FBXL17: variants seen among roughly 807,000 people sequenced by gnomAD.
FBXL17 encodes the protein F-box and leucine rich repeat protein 17.
In FBXL17, 22 loss-of-function variants were observed where a neutral mutation model predicts 66.2. The ratio of observed to expected loss-of-function variants is 0.33; its 90% CI spans 0.24 to 0.47. The LOEUF is 0.47. Among genes scored for constraint, FBXL17 ranks in the 20% least tolerant of loss-of-function variants. FBXL17 has a pLI of 1.00. For missense variants in FBXL17, 878 were observed against 948.2 expected (o/e 0.93, Z 0.97); for synonymous variants, 474 against 400.5 (o/e 1.18, Z -2.19).
chr5:108,085,478 C>G (rs796090607), intron 6 of FBXL17, among the ~76,000 whole-genome samples: 1 of 152,148 alleles, frequency 6.6e-6, no homozygotes, highest in African/African-American at 2.4e-5. Context: ...GATGGCTGAG[C>G]GTAGGCTAAG....
intron 6 of FBXL17, among the ~76,000 whole-genome samples, chr5:108,096,748 G>A (rs1254622854): frequency 6.6e-6 from 1 of 152,188 alleles, no homozygotes; most frequent in African/African-American, 2.4e-5. Flanking sequence ...AAGAAACAAG[G>A]AGCTGTCTGA....
chr5:108,170,669 G>A (rs1752574262), intron 6 of FBXL17, among the ~76,000 whole-genome samples: 2 of 152,086 alleles, frequency 1.3e-5, no homozygotes, highest in Non-Finnish European at 2.9e-5. Flanking sequence ...AAGTAGCTGG[G>A]ACTATAAGTG....
chr5:108,298,317 G>A (rs1445970084), intron 4 of FBXL17: 1 of 984,198 alleles, frequency 1.0e-6, no homozygotes, highest in African/African-American at 1.7e-5. Context: ...AAATAAAACA[G>A]AAAGCACTGA....
At chr5:107,950,248 G>C (rs2112606231) in intron 7 of FBXL17, among the ~76,000 whole-genome samples, 1 of 151,842 alleles carries the variant, frequency 6.6e-6, no homozygotes, top group East Asian at 1.9e-4. Flanking sequence ...CAAATTTCCG[G>C]GATCACTTTA....
chr5:107,906,585 G>C (rs1042740251), intron 7 of FBXL17, among the ~76,000 whole-genome samples: 1 of 152,126 alleles, frequency 6.6e-6, no homozygotes, highest in Non-Finnish European at 1.5e-5. Flanking sequence ...ATAAGAAGTA[G>C]GGACAGGACT....
At chr5:108,126,651 CTATATATATATACA>C (rs1385426499) in intron 6 of FBXL17, among the ~76,000 whole-genome samples, 3 of 108,040 alleles carry the variant, frequency 2.8e-5, no homozygotes, top group Admixed American at 9.5e-5. Context: ...CTCTCTCTCT[CTATATATATATACA>C]TATATATATA....
intron 6 of FBXL17, among the ~76,000 whole-genome samples, chr5:108,061,830 G>C (rs1440285462): frequency 6.6e-6 from 1 of 151,548 alleles, no homozygotes; most frequent in African/African-American, 2.4e-5. Flanking sequence ...TTACAGGTTT[G>C]GGTTTCTTTT....
chr5:108,380,739 G>A lies in FBXL17; in HGVS notation c.953C>T (p.Thr318Ile). 2 of 1,250,254 alleles carry A rather than the reference G, an allele frequency of 1.6e-6. No homozygotes were observed. The highest frequency in any genetic ancestry group is 1.0e-6 in the Non-Finnish European group (1 of 989,746). 77.4% of individuals were successfully genotyped at this position (1,250,254 alleles called of 1,614,324 possible). The part of the protein sequence containing the change: ...CDCHREPPPE[T>I]PDINQLPPSI... The stretch of plus-strand genomic sequence containing the variant: ...CGGCGGCAGCTGGTTGATGTCTGGG[G>A]TTTCGGGGGGCGGCTCCCTGTGACA... The change falls in exon 1 of 9, where the codon ACC (threonine) becomes ATC (isoleucine). Residue 318 changes from threonine (T) to isoleucine (I), a missense_variant. Physicochemically the swap from Thr to Ile is moderately conservative, Grantham distance 89 (BLOSUM62 -1). Coordinates refer to ENST00000542267, the MANE Select transcript of FBXL17 (RefSeq NM_001163315.3).
At chr5:108,373,291 AAATAT>A (rs1470736809) in intron 1 of FBXL17, among the ~76,000 whole-genome samples, 4 of 136,476 alleles carry the variant, frequency 2.9e-5, no homozygotes, top group African/African-American at 1.0e-4. Flanking sequence ...ATATTAATAT[AAATAT>A]AATATATATC....
Position 108,112,598 on chromosome 5 carries a change from T to C in FBXL17, c.1745+73519A>G, listed in dbSNP as rs1174096604. ...GCATGAAAAGAAACAGGAAAACATA[T>C]CCCATGAGGAGAAAAAACAATCAAT... On this transcript the variant is annotated intron_variant, in intron 6 of 8. Transcript: ENST00000542267. Among the ~76,000 whole-genome samples, 8 of 151,824 alleles carry C rather than the reference T, an allele frequency of 5.3e-5. No homozygotes were observed. In the East Asian group the frequency reaches 5.8e-4, roughly 11 times the overall value.
chr5:108,071,334 T>C (rs1748323682), intron 6 of FBXL17, among the ~76,000 whole-genome samples: 1 of 152,220 alleles, frequency 6.6e-6, no homozygotes, highest in South Asian at 2.1e-4. Flanking sequence ...ACAGTAACTA[T>C]CTGCTTCAGG....
chr5:108,364,615 G>A, intron 3 of FBXL17, 123 bp downstream of exon 3: 1 of 732,296 alleles, frequency 1.4e-6, no homozygotes, highest in South Asian at 2.0e-5. Context: ...TCATTAATAG[G>A]TAAAAAAGAT....
rs529631612 is a variant in FBXL17 at position 108,202,629 on chromosome 5, G to T, written c.1615-16382C>A. Among the ~76,000 whole-genome samples, 32 of 152,234 alleles carry T rather than the reference G, an allele frequency of 2.1e-4. No individual in the cohort carries two copies. In the South Asian group the frequency reaches 6.4e-3, roughly 31 times the overall value. ...TTTTTTCCTATATAGTAACAGGTAG[G>T]TAGCATATATAGGATGGATATGCTG... On this transcript the variant is annotated intron_variant, in intron 5 of 8. Coordinates refer to ENST00000542267, the MANE Select transcript of FBXL17 (RefSeq NM_001163315.3).
At chr5:108,210,251 C>A (rs1456337990) in intron 5 of FBXL17, among the ~76,000 whole-genome samples, 1 of 151,888 alleles carries the variant, frequency 6.6e-6, no homozygotes, top group African/African-American at 2.4e-5. Context: ...TTGATCTTTT[C>A]AAAAAACCAG....
intron 6 of FBXL17, among the ~76,000 whole-genome samples, chr5:108,082,426 T>C (rs1748806462): frequency 6.6e-6 from 1 of 152,202 alleles, no homozygotes; most frequent in Non-Finnish European, 1.5e-5. Context: ...GTGCTTAGAA[T>C]AACAGCTGAC....
At chr5:108,093,015 C>T (rs912612041) in intron 6 of FBXL17, among the ~76,000 whole-genome samples, 1 of 152,062 alleles carries the variant, frequency 6.6e-6, no homozygotes, top group East Asian at 1.9e-4. Context: ...AAACCATTCA[C>T]TTAGACCAAT....
intron 4 of FBXL17, among the ~76,000 whole-genome samples, chr5:108,341,553 C>A (rs1746882096): frequency 6.6e-6 from 1 of 152,074 alleles, no homozygotes. Flanking sequence ...CTATATTTTT[C>A]TTAATTTCTC....
chr5:108,008,189 A>T (rs1204274630), intron 7 of FBXL17, among the ~76,000 whole-genome samples: 1 of 152,186 alleles, frequency 6.6e-6, no homozygotes, highest in Non-Finnish European at 1.5e-5. Flanking sequence ...AAATATCAAC[A>T]TGCTTGATAC....
Position 108,124,561 on chromosome 5 carries a change from T to C in FBXL17, c.1745+61556A>G, listed in dbSNP as rs574022103. Among the ~76,000 whole-genome samples, 18 of 152,222 alleles carry C rather than the reference T, an allele frequency of 1.2e-4. 1 individual carries two copies. The South Asian group carries it at 3.3e-3, about 28-fold the overall frequency. ...ATGACTAAACCAGACTACTACAATA[T>C]GCAATAGTACTGAAAACATTTCATT... On this transcript the variant is annotated intron_variant, in intron 6 of 8. Coordinates refer to ENST00000542267, the MANE Select transcript of FBXL17 (RefSeq NM_001163315.3).
Sources: gnomAD v4.1 joint callset for allele counts (sites outside exome capture counted in the v4.1 genomes callset) on GRCh38, gnomAD v4.1.1 for gene constraint, MANE v1.5 for transcripts, NCBI Gene and HGNC (gene_info 2026-07-23, HGNC 2026-07-21) for gene names.